RASA1: variants seen among roughly 807,000 people sequenced by gnomAD.
The protein encoded by RASA1 is RAS p21 protein activator 1.
In RASA1, 25 loss-of-function variants were observed where a neutral mutation model predicts 132.2. That is an observed-to-expected ratio of 0.19 (90% CI 0.14 to 0.26). The LOEUF (loss-of-function observed/expected upper bound fraction) is 0.26. RASA1 is among the 10% of genes least tolerant of loss of function. The pLI, the probability that RASA1 is intolerant of heterozygous loss-of-function variation, is 1.00. For missense variants in RASA1, 964 were observed against 1,299.2 expected (o/e 0.74, Z 3.97); for synonymous variants, 477 against 449.9 (o/e 1.06, Z -0.76).
At chr5:87,361,612 T>A (rs1326237984) in intron 9 of RASA1, among the ~76,000 whole-genome samples, 2 of 152,162 alleles carry the variant, frequency 1.3e-5, no homozygotes. Context: ...TCTGGAAAGA[T>A]CATGATAAAG....
intron 1 of RASA1, among the ~76,000 whole-genome samples, chr5:87,322,679 C>T (rs184239280): frequency 1.8e-4 from 27 of 152,242 alleles, no homozygotes; most frequent in Non-Finnish European, 2.8e-4. Flanking sequence ...AACCATGAGC[C>T]GCAATAAACC....
intron 11 of RASA1, among the ~76,000 whole-genome samples, 166 bp downstream of exon 11, chr5:87,363,670 TAA>T (rs1353493767): frequency 6.6e-6 from 1 of 152,084 alleles, no homozygotes; most frequent in Non-Finnish European, 1.5e-5. Flanking sequence ...AATATATACA[TAA>T]AGTCTACTTC....
intron 1 of RASA1, chr5:87,269,362 G>C: frequency 6.8e-7 from 1 of 1,477,202 alleles, no homozygotes; most frequent in Non-Finnish European, 9.1e-7. Context: ...TGTGTTACTT[G>C]ATAAAGCTAG....
intron 2 of RASA1, 131 bp downstream of exon 2, chr5:87,331,631 AT>A: frequency 2.9e-6 from 3 of 1,050,188 alleles, no homozygotes; most frequent in South Asian, 2.8e-5. Context: ...TTTCAGTCAA[AT>A]GATTTAATCA....
intron 6 of RASA1, among the ~76,000 whole-genome samples, 188 bp from the exon 7 acceptor site, chr5:87,346,484 T>C (rs1212884248): frequency 1.3e-5 from 2 of 151,954 alleles, no homozygotes; most frequent in Non-Finnish European, 2.9e-5. Flanking sequence ...AGTTTTACTA[T>C]CTTTAGTTGA....
chr5:87,387,634 AGGTGT>A (rs1561331845), intron 23 of RASA1, among the ~76,000 whole-genome samples: 10 of 152,158 alleles, frequency 6.6e-5, no homozygotes, highest in African/African-American at 2.4e-4. Flanking sequence ...TTGGAGATTG[AGGTGT>A]CCATGTTCTG....
At chr5:87,299,364 A>G (rs960848379) in intron 1 of RASA1, among the ~76,000 whole-genome samples, 2 of 152,190 alleles carry the variant, frequency 1.3e-5, no homozygotes, top group Non-Finnish European at 2.9e-5. Context: ...CTTTTAGTGA[A>G]TCACTATATT....
rs780784579 is a variant in RASA1 at position 87,374,260 on chromosome 5, T to C, written c.1874T>C (p.Val625Ala). Residue 625 changes from valine (V) to alanine (A), a missense_variant, in exon 14 of 25, where the codon GTA becomes GCA. Val to Ala is a moderately conservative substitution (Grantham distance 64, BLOSUM62 0). Around this residue, in one of 6 missense-constraint regions of RASA1, gnomAD observed 346 missense variants for 520.1 expected, o/e 0.67. Coordinates refer to ENST00000274376, the MANE Select transcript of RASA1 (RefSeq NM_002890.3). Reference sequence around the variant, plus strand: ...AACATCTACCTGAATAGTGTCCAAGTAGCAAAAACTCATGCAAGGGAAGGG... The same window carrying C: ...AACATCTACCTGAATAGTGTCCAAGCAGCAAAAACTCATGCAAGGGAAGGG... ...YCNIYLNSVQ[V>A]AKTHAREGQN... The C allele has an allele frequency of 1.2e-6, 2 of 1,603,646 alleles. No homozygotes were observed. Among genetic ancestry groups the C allele is most frequent in the Non-Finnish European group, 1.7e-6 (2 of 1,173,900 alleles).
intron 1 of RASA1, among the ~76,000 whole-genome samples, chr5:87,300,126 T>C (rs1755295507): frequency 1.3e-5 from 2 of 152,102 alleles, no homozygotes; most frequent in Non-Finnish European, 2.9e-5. Context: ...CCCAGCACTT[T>C]GAGGGGCCAA....
intron 1 of RASA1, among the ~76,000 whole-genome samples, chr5:87,310,194 A>G (rs1226110939): frequency 1.3e-5 from 2 of 152,130 alleles, no homozygotes; most frequent in Non-Finnish European, 2.9e-5. Flanking sequence ...ACATTCCTAA[A>G]TTTCTGAAAT....
intron 1 of RASA1, among the ~76,000 whole-genome samples, chr5:87,270,117 C>T (rs1345358825): frequency 1.3e-5 from 2 of 151,298 alleles, no homozygotes; most frequent in Admixed American, 6.6e-5. Context: ...TGGCACGCGC[C>T]TATAATCCTA....
At chr5:87,270,690 G>C (rs1314230946) in intron 1 of RASA1, among the ~76,000 whole-genome samples, 2 of 97,132 alleles carry the variant, frequency 2.1e-5, no homozygotes, top group Non-Finnish European at 3.8e-5. Context: ...TTTTGGATAA[G>C]CTTCTTTGGA....
chr5:87,340,828 A>T (rs1352050926), intron 5 of RASA1, among the ~76,000 whole-genome samples: 2 of 152,176 alleles, frequency 1.3e-5, no homozygotes, highest in African/African-American at 4.8e-5. Context: ...AGATTGGCAA[A>T]TAGGAAGTTA....
chr5:87,376,297 A>C (rs773131526), intron 15 of RASA1, 96 bp from the exon 16 acceptor site: 12 of 1,408,790 alleles, frequency 8.5e-6, no homozygotes, highest in Non-Finnish European at 1.1e-5. Context: ...AAAGCATTTA[A>C]CACCATAGGG....
At chr5:87,361,623 G>C (rs1760096479) in intron 9 of RASA1, among the ~76,000 whole-genome samples, 1 of 152,102 alleles carries the variant, frequency 6.6e-6, no homozygotes. Context: ...CATGATAAAG[G>C]CATCCTGATA....
At chr5:87,304,962 T>G (rs1755542219) in intron 1 of RASA1, among the ~76,000 whole-genome samples, 1 of 147,934 alleles carries the variant, frequency 6.8e-6, no homozygotes, top group Non-Finnish European at 1.5e-5. Context: ...TTTTTTTTTT[T>G]GGTAAACGTC....
At chr5:87,368,577 C>T (rs1760699180) in intron 11 of RASA1, among the ~76,000 whole-genome samples, 1 of 152,164 alleles carries the variant, frequency 6.6e-6, no homozygotes. Flanking sequence ...AGGGTTAGTA[C>T]ATCTTGTAAA....
rs533112758 is a variant in RASA1, at chr5:87,299,036, G to A, written c.539+30046G>A. On this transcript the variant is annotated intron_variant, in intron 1 of 24. Coordinates refer to ENST00000274376, the MANE Select transcript of RASA1 (RefSeq NM_002890.3). ...ATGCCTAGTGTTCCATTAATGGAAC[G>A]CTAAGCATCTGGGAGTTCTTTATAT... Among the ~76,000 whole-genome samples the A allele has an allele frequency of 9.9e-5, 15 of 152,256 alleles. No individual in the cohort carries two copies. In the East Asian group the frequency reaches 2.3e-3, roughly 23 times the overall value.
chr5:87,281,667 G>T (rs556528997), intron 1 of RASA1, among the ~76,000 whole-genome samples: 1 of 151,892 alleles, frequency 6.6e-6, no homozygotes, highest in Non-Finnish European at 1.5e-5. Flanking sequence ...TGCAACCTCC[G>T]CCTCCTGGGT....
Sources: gnomAD v4.1 joint callset for allele counts (sites outside exome capture counted in the v4.1 genomes callset) on GRCh38, gnomAD v4.1.1 for gene constraint, gnomAD v4.1.1 regional missense constraint, MANE v1.5 for transcripts, NCBI Gene and HGNC (gene_info 2026-07-23, HGNC 2026-07-21) for gene names.